SS18L1: variants seen among roughly 807,000 people sequenced by gnomAD.
SS18L1 encodes the protein calcium-responsive transactivator.
A neutral mutation model predicts 70.3 loss-of-function variants in SS18L1; 32 were observed. That is an observed-to-expected ratio of 0.46 (90% CI 0.34 to 0.61). The LOEUF (loss-of-function observed/expected upper bound fraction) is 0.61, where lower values mean the gene tolerates loss of function less well. Ranked by LOEUF, SS18L1 falls within the 20% of genes least tolerant of loss-of-function variation. The probability of loss-of-function intolerance (pLI) is 0.01; values close to 1 mark genes in which losing one functional copy is unlikely to be tolerated. For synonymous variants in SS18L1, 237 were observed against 229.7 expected, an observed-to-expected ratio of 1.03 and a Z score of -0.29; for missense variants, 430 against 542.1, an observed-to-expected ratio of 0.79 and a Z score of 2.05.
At position 62,161,605 on chromosome 20, in the gene SS18L1, G is replaced by A. The variant is rs755216941; in HGVS notation, c.376+25G>A. 1.3e-5 allele frequency: 21 copies of A among 1,592,208 alleles called. No homozygotes were observed. The highest frequency in any genetic ancestry group is 1.0e-4 in the Admixed American group (6 of 59,336). On this transcript the variant is annotated intron_variant, in intron 4 of 10. Coordinates refer to ENST00000331758, the MANE Select transcript of SS18L1 (RefSeq NM_198935.3). The surrounding 1 kb of genome is among the most constrained non-coding windows in gnomAD (Gnocchi z 4.4). ...GGTGAGTGCGGCGGGGGAGGAGGACGTTCCTGGCTACGAGGCCACCAAGGC... is the reference window on the plus strand; with the variant it reads ...GGTGAGTGCGGCGGGGGAGGAGGACATTCCTGGCTACGAGGCCACCAAGGC...
chr20:62,150,632 G>GTTTTTTTT, intron 1 of SS18L1, among the ~76,000 whole-genome samples: 1 of 53,072 alleles, frequency 1.9e-5, no homozygotes, highest in Non-Finnish European at 5.2e-5. Flanking sequence ...CATTGAGGTG[G>GTTTTTTTT]ATTTTTTTTT....
intron 10 of SS18L1, among the ~76,000 whole-genome samples, chr20:62,176,748 G>A (rs996424923): frequency 1.3e-5 from 2 of 152,066 alleles, no homozygotes; most frequent in African/African-American, 2.4e-5. Context: ...GGTGAGTTGA[G>A]ATCACGCCAC....
chr20:62,177,130 C>T (rs1442982531), intron 10 of SS18L1, among the ~76,000 whole-genome samples: 2 of 152,160 alleles, frequency 1.3e-5, no homozygotes, highest in Admixed American at 6.5e-5. Flanking sequence ...TACACTTAAA[C>T]ATGTGCTGAG....
intron 1 of SS18L1, among the ~76,000 whole-genome samples, chr20:62,156,615 T>C (rs1165284143): frequency 1.3e-5 from 2 of 152,248 alleles, no homozygotes; most frequent in Non-Finnish European, 2.9e-5. Flanking sequence ...CAGCTGGGGC[T>C]GTGGGTCCGG....
Position 62,162,772 on chromosome 20 carries a change from C to T in SS18L1, c.397C>T (p.Gln133Ter). ...GCCAGGGCCGAGCCACGTGTCCATGCAGCAGACGGCGCCTAACACGCTGCC... is the reference window on the plus strand; with the variant it reads ...GCCAGGGCCGAGCCACGTGTCCATGTAGCAGACGGCGCCTAACACGCTGCC... The part of the protein sequence containing the change: ...IGNGPSHVSM[Q>*]QTAPNTLPTT... Residue 133 changes from glutamine to a stop codon, truncating the protein, a stop_gained, in exon 5 of 11, where the codon CAG becomes TAG. Coordinates refer to ENST00000331758, the MANE Select transcript of SS18L1 (RefSeq NM_198935.3). LOFTEE classifies it high-confidence loss of function. 6.2e-7 allele frequency: 1 copy of T among 1,611,118 alleles called. No homozygotes were observed. Among genetic ancestry groups the T allele is most frequent in the Non-Finnish European group, 8.5e-7 (1 of 1,178,646 alleles).
intron 1 of SS18L1, among the ~76,000 whole-genome samples, chr20:62,146,231 TCATGTGGC>T (rs1366662160): frequency 1.3e-5 from 2 of 152,220 alleles, no homozygotes; most frequent in Non-Finnish European, 2.9e-5. Flanking sequence ...CCGTCGGCAG[TCATGTGGC>T]CCTTGTAGCA....
At chr20:62,144,146 G>A (rs1371916223) in intron 1 of SS18L1, among the ~76,000 whole-genome samples, 1 of 151,160 alleles carries the variant, frequency 6.6e-6, no homozygotes, top group Non-Finnish European at 1.5e-5. Flanking sequence ...TCGGGCCGGG[G>A]CACTGGGCGG....
intron 1 of SS18L1, among the ~76,000 whole-genome samples, chr20:62,152,891 AG>A (rs1483182785): frequency 2.0e-5 from 3 of 152,178 alleles, no homozygotes; most frequent in Admixed American, 6.5e-5. Flanking sequence ...CCGTCCTGTC[AG>A]GGTCTTTTGC....
intron 6 of SS18L1, 32 bp from the exon 7 acceptor site, chr20:62,164,113 C>A (rs1168212210): frequency 1.3e-6 from 2 of 1,540,696 alleles, no homozygotes; most frequent in South Asian, 2.4e-5. Context: ...AGGGCGCGGC[C>A]CGCACTGGCG....
chr20:62,155,154 A>C (rs1330007057), intron 1 of SS18L1, among the ~76,000 whole-genome samples: 2 of 152,172 alleles, frequency 1.3e-5, no homozygotes, highest in East Asian at 3.9e-4. Flanking sequence ...TGTAATGAGC[A>C]CTTGGGGAGG....
rs753166646 is a variant in SS18L1, at chr20:62,179,222, T to C, written c.*14T>C. 4 of 1,614,086 alleles carry C rather than the reference T, an allele frequency of 2.5e-6. No individual in the cohort carries two copies. The East Asian group carries it at 6.7e-5, about 27-fold the overall frequency. ...TACCAGCAGTAAGGGACACACATTC[T>C]GGCTGGAGCCCTTGTGGTAGCGTGT... is the stretch of plus-strand genomic sequence containing the variant. On this transcript the variant is annotated 3_prime_UTR_variant, in exon 11 of 11. Transcript: ENST00000331758.
In SS18L1 at chr20:62,181,253, A is replaced by G. The variant is rs2057703029; in HGVS notation, c.*2045A>G. 4.8e-6 allele frequency: 1 copy of G among 206,720 alleles called. No individual in the cohort carries two copies. Among genetic ancestry groups the G allele is most frequent in the African/African-American group, 2.3e-5 (1 of 43,894 alleles). The allele number at this position is 206,720 out of a possible 1,614,324, so 12.8% of individuals were successfully genotyped here. A position where few individuals can be genotyped will look rare whatever the true frequency, so the allele number is the denominator to read the frequency against. Reference sequence around the variant, plus strand: ...TAAACGTATGTGTTCATATTCGATCACCGAAATGAGAGTTCTTAATTGCTA... The same window carrying G: ...TAAACGTATGTGTTCATATTCGATCGCCGAAATGAGAGTTCTTAATTGCTA... On this transcript the variant is annotated 3_prime_UTR_variant, in exon 11 of 11. Coordinates refer to ENST00000331758, the MANE Select transcript of SS18L1 (RefSeq NM_198935.3).
chr20:62,174,535 C>T lies in SS18L1; in HGVS notation c.1055C>T (p.Pro352Leu). 4 of 1,614,060 alleles carry T rather than the reference C, an allele frequency of 2.5e-6. No homozygotes were observed. Among genetic ancestry groups the T allele is most frequent in the Non-Finnish European group, 2.5e-6 (3 of 1,180,022 alleles). Residue 352 changes from proline (P) to leucine (L), a missense_variant, in exon 10 of 11, where the codon CCG (proline) becomes CTG (leucine). Coordinates refer to ENST00000331758, the MANE Select transcript of SS18L1 (RefSeq NM_198935.3). The surrounding 1 kb of genome is among the most constrained non-coding windows in gnomAD (Gnocchi z 4.1). ...TTCTCAGGGTCTGCCCAGGGAGCCC[C>T]GTCACAGTACCCCGGCTACCAGCAA... ...QQGYGSAQGA[P>L]SQYPGYQQGQ...
intron 3 of SS18L1, among the ~76,000 whole-genome samples, chr20:62,160,629 G>A (rs1394049559): frequency 6.6e-6 from 1 of 152,190 alleles, no homozygotes; most frequent in Non-Finnish European, 1.5e-5. Flanking sequence ...AGGTCGTGCT[G>A]CTGCAGCCTC....
intron 7 of SS18L1, 151 bp downstream of exon 7, chr20:62,164,397 C>T (rs2057390658): frequency 3.7e-6 from 3 of 806,402 alleles, no homozygotes; most frequent in Non-Finnish European, 5.7e-6. Context: ...GGCCAGACGC[C>T]CTGCAGGAGC....
At position 62,179,288 on chromosome 20, in the gene SS18L1, T is replaced by A. The variant is rs943006509; in HGVS notation, c.*80T>A. On this transcript the variant is annotated 3_prime_UTR_variant, in exon 11 of 11. Transcript: ENST00000331758. ...ATGGGCTGGCGGCAGCTCTGGTGAA[T>A]TGTGACATGTTGGTTACCTGTTCGC... 4.6e-6 allele frequency: 7 copies of A among 1,520,810 alleles called. No individual in the cohort carries two copies. The highest frequency in any genetic ancestry group is 1.4e-5 in the African/African-American group (1 of 72,968). The allele number at this position is 1,520,810 out of a possible 1,614,324, so 94.2% of individuals were successfully genotyped here. A position where few individuals can be genotyped will look rare whatever the true frequency, so the allele number is the denominator to read the frequency against.
At chr20:62,151,704 G>C in intron 1 of SS18L1, among the ~76,000 whole-genome samples, 1 of 152,222 alleles carries the variant, frequency 6.6e-6, no homozygotes, top group East Asian at 1.9e-4. Context: ...ACCCAGCCGC[G>C]TTGGGATCTT....
intron 8 of SS18L1, among the ~76,000 whole-genome samples, chr20:62,172,275 C>T (rs6142967): frequency 0.15 from 22,656 of 151,080 alleles, 2,206 homozygotes; most frequent in African/African-American, 0.27. Context: ...TGCAGTGTGC[C>T]CTCATTGCAC....
chr20:62,177,278 CAAA>C (rs79145053), intron 10 of SS18L1, among the ~76,000 whole-genome samples: 1 of 130,582 alleles, frequency 7.7e-6, no homozygotes, highest in African/African-American at 2.8e-5. Context: ...AACTCTGTCT[CAAA>C]AAAAAAAAAA....
Sources: allele counts gnomAD v4.1 joint callset (sites outside exome capture counted in the v4.1 genomes callset), GRCh38; gene constraint gnomAD v4.1.1; non-coding constraint Gnocchi (gnomAD v3.1); transcripts MANE v1.5; gene names NCBI Gene and HGNC (gene_info 2026-07-23, HGNC 2026-07-21).